Variants in GALNS observed in about 807,000 individuals in gnomAD.
The protein encoded by GALNS is galactosamine (N-acetyl)-6-sulfatase, also known as N-acetylgalactosamine-6-sulfatase.
In GALNS, 65 loss-of-function variants were observed where a neutral mutation model predicts 65.9. The ratio of observed to expected loss-of-function variants is 0.99; its 90% confidence interval spans 0.81 to 1.21. The LOEUF (loss-of-function observed/expected upper bound fraction) is 1.21, where lower values mean the gene tolerates loss of function less well. Among genes scored for constraint, GALNS ranks in the 50% most tolerant of loss-of-function variants. The pLI is 0.00. For synonymous variants in GALNS, 346 were observed against 288.9 expected (o/e 1.20, Z -2.00); for missense variants, 776 against 700.7 (o/e 1.11, Z -1.21).
chr16:88,830,731 A>T (rs1018709525), intron 9 of GALNS, among the ~76,000 whole-genome samples: 5 of 152,176 alleles, frequency 3.3e-5, no homozygotes, highest in African/African-American at 1.2e-4. Flanking sequence ...GGTCACACTG[A>T]GATGGCAGGG....
In GALNS at chr16:88,832,408, C is replaced by T. The variant is rs370676821; in HGVS notation, c.899-307G>A. Among the ~76,000 whole-genome samples the T allele has an allele frequency of 2.9e-3, 446 of 152,322 alleles. 2 individuals carry two copies. Among genetic ancestry groups the T allele is most frequent in the African/African-American group, 0.01 (429 of 41,560 alleles). On this transcript the variant is annotated intron_variant, in intron 8 of 13. Transcript: ENST00000268695. The stretch of plus-strand genomic sequence containing the variant: ...GCAGAGGCCCTGGGTGCCACGTGCG[C>T]AGCTGCCGACTGGTGCTTCCCGAAC...
Position 88,822,514 on chromosome 16 carries a change from G to A in GALNS, c.1364+75C>T, listed in dbSNP as rs1910336935. ...CGGCGGGCAGGGTGCAGAGGGCTCT[G>A]TCCCTGTGGAGCCTGCATTTGGGGG... On this transcript the variant is annotated intron_variant, in intron 12 of 13. Coordinates refer to ENST00000268695, the MANE Select transcript of GALNS (RefSeq NM_000512.5). 3.1e-6 allele frequency: 5 copies of A among 1,590,560 alleles called. 1 individual carries two copies. Among genetic ancestry groups the A allele is most frequent in the Middle Eastern group, 3.5e-4 (2 of 5,788 alleles).
chr16:88,856,737 C>G (rs921805974), intron 1 of GALNS, 21 bp downstream of exon 1: 3 of 1,471,042 alleles, frequency 2.0e-6, no homozygotes, highest in East Asian at 2.5e-5. Flanking sequence ...GGCCCTGCCC[C>G]GTCCCACCGC....
At chr16:88,824,048 G>C (rs1448116406) in intron 11 of GALNS, among the ~76,000 whole-genome samples, 1 of 152,198 alleles carries the variant, frequency 6.6e-6, no homozygotes, top group Non-Finnish European at 1.5e-5. Flanking sequence ...CTCAGCCCCA[G>C]TTCTCACTTC....
In GALNS at chr16:88,818,103, C is replaced by G; in HGVS notation, c.1386G>C (p.Gln462His). 1 of 1,573,398 alleles carries G rather than the reference C, an allele frequency of 6.4e-7. No homozygotes were observed. Among genetic ancestry groups the G allele is most frequent in the South Asian group, 1.2e-5 (1 of 86,462 alleles). ...CCGAGGTGATCCTGCTGAGGGCCTC[C>G]TGGTACTCGGCGCTGGCAAAGCTGG... is the stretch of plus-strand genomic sequence containing the variant. ...FPLSFASAEY[Q>H]EALSRITSVV... Residue 462 changes from glutamine (Q) to histidine (H), a missense_variant, in exon 13 of 14, where the codon CAG (glutamine) becomes CAC (histidine). Coordinates refer to ENST00000268695, the MANE Select transcript of GALNS (RefSeq NM_000512.5).
At chr16:88,843,488 T>C (rs1967087482) in intron 1 of GALNS, 2 of 330,854 alleles carry the variant, frequency 6.0e-6, no homozygotes, top group South Asian at 4.9e-5. Context: ...TGTGGCCACA[T>C]TTGGAAGTAG....
chr16:88,832,071 T>G lies in GALNS; in HGVS notation c.929A>C (p.Lys310Thr). ...CATCCCTCCTTCAAACGTGGTCTGC[T>G]TCCCACACAGAAAGGGGCCGTTGCT... The part of the protein sequence containing the change: ...GGSNGPFLCG[K>T]QTTFEGGMRE... The change falls in exon 9 of 14, where the codon AAG (lysine) becomes ACG (threonine). Residue 310 changes from lysine (K) to threonine (T), a missense_variant. By Grantham distance (78) the Lys-to-Thr change is moderately conservative (BLOSUM62 -1). Transcript: ENST00000268695. 6.2e-7 allele frequency: 1 copy of G among 1,613,874 alleles called. No individual in the cohort carries two copies. The highest frequency in any genetic ancestry group is 8.5e-7 in the Non-Finnish European group (1 of 1,179,912).
At chr16:88,847,126 C>T (rs1402126120) in intron 1 of GALNS, among the ~76,000 whole-genome samples, 2 of 152,142 alleles carry the variant, frequency 1.3e-5, no homozygotes, top group African/African-American at 4.8e-5. Context: ...TGGAGACCAC[C>T]GATGGTTCTT....
At chr16:88,855,855 C>A (rs1967814687) in intron 1 of GALNS, 1 of 505,872 alleles carries the variant, frequency 2.0e-6, no homozygotes, top group Non-Finnish European at 3.6e-6. Flanking sequence ...GGAGCCAGCA[C>A]ACAGGGGCTG....
At chr16:88,842,451 C>G in intron 2 of GALNS, 1 of 577,226 alleles carries the variant, frequency 1.7e-6, no homozygotes, top group East Asian at 2.9e-5. Context: ...CAGCACTCGA[C>G]TCTGGGAAAC....
intron 12 of GALNS, among the ~76,000 whole-genome samples, chr16:88,818,446 G>T (rs1303910971): frequency 6.6e-6 from 1 of 152,206 alleles, no homozygotes; most frequent in East Asian, 1.9e-4. Flanking sequence ...GTGGGCTGGG[G>T]CCTGTGGGTC....
In GALNS at chr16:88,814,656, C is replaced by T. The variant is rs185935069; in HGVS notation, c.1483-131G>A. On this transcript the variant is annotated intron_variant, in intron 13 of 13. Transcript: ENST00000268695. ...TCACCCAGGCTGGAGTTCAGTGGCGCGATCTTGGCTCACTGCAACCTCTGC... is the reference window on the plus strand; with the variant it reads ...TCACCCAGGCTGGAGTTCAGTGGCGTGATCTTGGCTCACTGCAACCTCTGC... 62 of 1,448,934 alleles carry T rather than the reference C, an allele frequency of 4.3e-5. No individual in the cohort carries two copies. In the Middle Eastern group the frequency reaches 9.6e-4, roughly 23 times the overall value. The allele number at this position is 1,448,934 out of a possible 1,614,324, so 89.8% of individuals were successfully genotyped here.
chr16:88,835,973 C>T lies in GALNS; in HGVS notation c.634-124G>A, dbSNP rs527304097. On this transcript the variant is annotated intron_variant, in intron 6 of 13. Coordinates refer to ENST00000268695, the MANE Select transcript of GALNS (RefSeq NM_000512.5). Reference sequence around the variant, plus strand: ...GCGGTCCCCGTCCCCACGCGTCCCACGGGGCAAGGTTGGTGCGGTCCCCGT... The same window carrying T: ...GCGGTCCCCGTCCCCACGCGTCCCATGGGGCAAGGTTGGTGCGGTCCCCGT... 3.6e-5 allele frequency: 54 copies of T among 1,480,102 alleles called. 1 individual carries two copies. The highest frequency in any genetic ancestry group is 2.3e-4 in the Admixed American group (13 of 56,266). The allele number at this position is 1,480,102 out of a possible 1,614,324, so 91.7% of individuals were successfully genotyped here.
At chr16:88,834,265 G>A (rs1302788926) in intron 8 of GALNS, among the ~76,000 whole-genome samples, 4 of 152,136 alleles carry the variant, frequency 2.6e-5, no homozygotes, top group African/African-American at 4.8e-5. Flanking sequence ...CCCAATCCCC[G>A]CAGCACACTG....
At chr16:88,817,156 CCGTCCA>C in intron 13 of GALNS, 1 of 985,456 alleles carries the variant, frequency 1.0e-6, no homozygotes, top group Non-Finnish European at 1.2e-6. Context: ...GATGGCTGGG[CCGTCCA>C]CATGCCACCC....
chr16:88,845,826 T>TAAAA (rs771068463), intron 1 of GALNS, among the ~76,000 whole-genome samples: 1 of 124,534 alleles, frequency 8.0e-6, no homozygotes, highest in Non-Finnish European at 1.7e-5. Context: ...ACTCCAACTC[T>TAAAA]AAAAAAAAAA....
chr16:88,837,106 A>T (rs1912219458), intron 5 of GALNS, among the ~76,000 whole-genome samples: 1 of 152,182 alleles, frequency 6.6e-6, no homozygotes, highest in African/African-American at 2.4e-5. Context: ...AGTTAAGCAA[A>T]ATAAAATTCA....
At chr16:88,848,894 G>T (rs1967379128) in intron 1 of GALNS, among the ~76,000 whole-genome samples, 1 of 152,244 alleles carries the variant, frequency 6.6e-6, no homozygotes, top group Admixed American at 6.5e-5. Flanking sequence ...GTCACACCTT[G>T]GTCTTTGTCT....
chr16:88,855,194 A>G, intron 1 of GALNS: 1 of 685,058 alleles, frequency 1.5e-6, no homozygotes, highest in South Asian at 1.5e-5. Context: ...AGTCTTCAAC[A>G]TAAAAAATTA....
Sources: gnomAD v4.1 joint callset for allele counts (sites outside exome capture counted in the v4.1 genomes callset) on GRCh38, gnomAD v4.1.1 for gene constraint, MANE v1.5 for transcripts, NCBI Gene and HGNC (gene_info 2026-07-23, HGNC 2026-07-21) for gene names.